Variants in CSRP1 observed in about 807,000 individuals in gnomAD.
CSRP1 encodes cysteine and glycine-rich protein 1.
CSRP1 carries 16 observed loss-of-function variants against 25.4 expected under a neutral mutation model. The ratio of observed to expected loss-of-function variants is 0.63; its 90% CI spans 0.43 to 0.96. The LOEUF (loss-of-function observed/expected upper bound fraction) is 0.96, where lower values mean the gene tolerates loss of function less well. CSRP1 is among the 40% of genes least tolerant of loss of function. The probability of loss-of-function intolerance (pLI) is 0.00; values close to 1 mark genes in which losing one functional copy is unlikely to be tolerated. For missense variants in CSRP1, 212 were observed against 243.6 expected (o/e 0.87, Z 0.86); for synonymous variants, 97 against 95.3 (o/e 1.02, Z -0.10).
Position 201,485,234 on chromosome 1 carries a change from C to G in CSRP1, c.505+49G>C, listed in dbSNP as rs753089595. ...AGCAAAGGCAAAACTACTTAGCCCCCCTACCCCCTTGGGCCTCCTGACCCT... is the reference window on the plus strand; with the variant it reads ...AGCAAAGGCAAAACTACTTAGCCCCGCTACCCCCTTGGGCCTCCTGACCCT... On this transcript the variant is annotated intron_variant, in intron 5 of 5. Coordinates refer to ENST00000340006, the MANE Select transcript of CSRP1 (RefSeq NM_004078.3). 9.0e-6 allele frequency: 14 copies of G among 1,553,756 alleles called. No individual in the cohort carries two copies. The South Asian group carries it at 1.2e-4, about 14-fold the overall frequency.
chr1:201,492,514 C>G (rs943350631), intron 2 of CSRP1: 3 of 151,902 alleles, frequency 2.0e-5, no homozygotes, highest in Admixed American at 1.3e-4. Context: ...AAATTTCTAC[C>G]ATATCATGGT....
chr1:201,487,258 C>T (rs553721610), intron 4 of CSRP1: 6 of 205,348 alleles, frequency 2.9e-5, no homozygotes, highest in South Asian at 2.8e-4. Context: ...ACTAAAAATA[C>T]AAAAATTAGC....
chr1:201,501,483 G>A (rs1664668008), intron 1 of CSRP1, among the ~76,000 whole-genome samples: 1 of 152,186 alleles, frequency 6.6e-6, no homozygotes, highest in Non-Finnish European at 1.5e-5. Context: ...CACCTGGTCA[G>A]CTGTTTTCCT....
Position 201,485,367 on chromosome 1 carries a change from T to TA in CSRP1, c.420dup (p.Lys141Ter). ...CACTTGGCACATCGAAAGCAGGCCTTATGCCAGGACTAGGCAGGGAAGGAA... is the reference window on the plus strand; with the variant it reads ...CACTTGGCACATCGAAAGCAGGCCTTAATGCCAGGACTAGGCAGGGAAGGAA... On this transcript the variant is annotated frameshift_variant, in exon 5 of 6. Coordinates refer to ENST00000340006, the MANE Select transcript of CSRP1 (RefSeq NM_004078.3). LOFTEE classifies it high-confidence loss of function. The TA allele has an allele frequency of 6.2e-7, 1 of 1,614,088 alleles. No homozygotes were observed. The highest frequency in any genetic ancestry group is 8.5e-7 in the Non-Finnish European group (1 of 1,179,978).
chr1:201,493,043 T>G (rs1664390206), intron 2 of CSRP1: 1 of 152,386 alleles, frequency 6.6e-6, no homozygotes, highest in Admixed American at 6.5e-5. Context: ...TTAACCCACC[T>G]TCCCCAGCAG....
At chr1:201,501,622 C>G (rs1664671950) in intron 1 of CSRP1, among the ~76,000 whole-genome samples, 1 of 152,114 alleles carries the variant, frequency 6.6e-6, no homozygotes, top group African/African-American at 2.4e-5. Context: ...GACAAGAAAG[C>G]CAAGGTGGCA....
rs1194502287 is a variant in CSRP1 at position 201,488,825 on chromosome 1, C to A, written c.411+30G>T. 2.5e-6 allele frequency: 4 copies of A among 1,608,722 alleles called. No homozygotes were observed. The South Asian group carries it at 3.3e-5, about 13-fold the overall frequency. On this transcript the variant is annotated intron_variant, in intron 4 of 5. Coordinates refer to ENST00000340006, the MANE Select transcript of CSRP1 (RefSeq NM_004078.3). Reference sequence around the variant, plus strand: ...CACATTTCAGGAAGATATCTCCCCCCATCCCTCTCATGCCCAGCAGCCACC... The same window carrying A: ...CACATTTCAGGAAGATATCTCCCCCAATCCCTCTCATGCCCAGCAGCCACC...
intron 3 of CSRP1, chr1:201,489,878 AC>A: frequency 7.4e-6 from 2 of 270,772 alleles, no homozygotes; most frequent in Non-Finnish European, 7.0e-6. Context: ...TCAAAAAAAA[AC>A]AAAAAAAGAG....
At chr1:201,485,173 A>C (rs1664093333) in intron 5 of CSRP1, 110 bp downstream of exon 5, 1 of 938,954 alleles carries the variant, frequency 1.1e-6, no homozygotes, top group African/African-American at 1.6e-5. Flanking sequence ...AGATGTTCAG[A>C]TCTTGGATCC....
chr1:201,503,253 A>T (rs1304143586), intron 1 of CSRP1, among the ~76,000 whole-genome samples: 2 of 152,258 alleles, frequency 1.3e-5, no homozygotes, highest in African/African-American at 4.8e-5. Flanking sequence ...AAAGCCTCAT[A>T]GACAAATTAA....
At chr1:201,485,631 C>A in intron 4 of CSRP1, 1 of 493,950 alleles carries the variant, frequency 2.0e-6, no homozygotes. Context: ...AGCTATACCA[C>A]AAAAGGCAGG....
chr1:201,488,327 G>A (rs1664214673), intron 4 of CSRP1: 1 of 152,322 alleles, frequency 6.6e-6, no homozygotes, highest in Admixed American at 6.5e-5. Flanking sequence ...TAAACAGTGT[G>A]AAAAAAGCCT....
intron 4 of CSRP1, chr1:201,487,539 A>G (rs1167073195): frequency 6.6e-6 from 1 of 152,272 alleles, no homozygotes; most frequent in African/African-American, 2.4e-5. Flanking sequence ...TAGGAAGGCT[A>G]AATTTTCCCA....
chr1:201,494,601 C>A (rs1664445135), intron 2 of CSRP1, among the ~76,000 whole-genome samples: 1 of 152,222 alleles, frequency 6.6e-6, no homozygotes, highest in African/African-American at 2.4e-5. Flanking sequence ...GCGGGGTGGC[C>A]TCAGGTGGGT....
intron 2 of CSRP1, among the ~76,000 whole-genome samples, chr1:201,494,095 G>A (rs668565): frequency 1.3e-5 from 2 of 151,498 alleles, no homozygotes; most frequent in African/African-American, 2.4e-5. Flanking sequence ...CCCGCACCCC[G>A]CCAAGAGCCC....
chr1:201,484,401 C>A lies in CSRP1; in HGVS notation c.*312G>T. On this transcript the variant is annotated 3_prime_UTR_variant, in exon 6 of 6. Transcript: ENST00000340006. ...TGTCTTGGTCAGCTGATGATGGACA[C>A]GCAGCACAGGAGGCTAAGAACAGAG... 2.0e-6 allele frequency: 1 copy of A among 499,458 alleles called. No homozygotes were observed. Among genetic ancestry groups the A allele is most frequent in the Non-Finnish European group, 3.6e-6 (1 of 278,560 alleles). 30.9% of individuals were successfully genotyped at this position (499,458 alleles called of 1,614,324 possible).
At position 201,484,621 on chromosome 1, in the gene CSRP1, G is replaced by T; in HGVS notation, c.*92C>A. ...TTAGTGATATGTGGCAGGGCTGACA[G>T]AGAAATAATCCTGGAGGTCTCCAAA... On this transcript the variant is annotated 3_prime_UTR_variant, in exon 6 of 6. Transcript: ENST00000340006. The T allele has an allele frequency of 8.3e-7, 1 of 1,207,228 alleles. No individual in the cohort carries two copies. The highest frequency in any genetic ancestry group is 1.2e-6 in the Non-Finnish European group (1 of 842,274). The allele number at this position is 1,207,228 out of a possible 1,614,324, so 74.8% of individuals were successfully genotyped here. A position where few individuals can be genotyped will look rare whatever the true frequency, so the allele number is the denominator to read the frequency against.
At chr1:201,499,778 T>C (rs543597276) in intron 1 of CSRP1, among the ~76,000 whole-genome samples, 98 of 152,160 alleles carry the variant, frequency 6.4e-4, no homozygotes, top group Non-Finnish European at 1.3e-3. Flanking sequence ...ACCACCACCA[T>C]ACCCGGCTAA....
At position 201,487,041 on chromosome 1, in the gene CSRP1, A is replaced by G. The variant is rs1384731951; in HGVS notation, c.412-1665T>C. On this transcript the variant is annotated intron_variant, in intron 4 of 5. Coordinates refer to ENST00000340006, the MANE Select transcript of CSRP1 (RefSeq NM_004078.3). ...CTGAAAATAAACAACAATAATAATA[A>G]CAATAGCAAAACTGTACTGAGGACA... 4.8e-6 allele frequency: 6 copies of G among 1,237,628 alleles called. No individual in the cohort carries two copies. In the East Asian group the frequency reaches 3.4e-4, roughly 70 times the overall value. The allele number at this position is 1,237,628 out of a possible 1,614,324, so 76.7% of individuals were successfully genotyped here. A position where few individuals can be genotyped will look rare whatever the true frequency, so the allele number is the denominator to read the frequency against.
Sources: gnomAD v4.1 joint callset for allele counts (sites outside exome capture counted in the v4.1 genomes callset) on GRCh38, gnomAD v4.1.1 for gene constraint, MANE v1.5 for transcripts, NCBI Gene and HGNC (gene_info 2026-07-23, HGNC 2026-07-21) for gene names.